NARS2: variants seen among roughly 807,000 people sequenced by gnomAD.
NARS2 encodes the protein asparaginyl-tRNA synthetase.
NARS2 carries 60 observed loss-of-function variants against 62.9 expected under a neutral mutation model. That is an observed-to-expected ratio of 0.95 (90% CI 0.77 to 1.18). The LOEUF (loss-of-function observed/expected upper bound fraction) is 1.18. Ranked by LOEUF, NARS2 falls within the 50% of genes most tolerant of loss-of-function variation. NARS2 has a pLI of 0.00. For synonymous variants in NARS2, 196 were observed against 200.0 expected (o/e 0.98, Z 0.17); for missense variants, 619 against 576.4 (o/e 1.07, Z -0.76).
chr11:78,472,428 G>A (rs888489125), intron 9 of NARS2, among the ~76,000 whole-genome samples: 10 of 151,916 alleles, frequency 6.6e-5, no homozygotes, highest in South Asian at 4.1e-4. Context: ...GTCATCCTTC[G>A]CCTCAAATTC....
intron 7 of NARS2, 39 bp from the exon 8 acceptor site, chr11:78,478,722 A>G (rs762859336): frequency 7.4e-7 from 1 of 1,355,708 alleles, no homozygotes; most frequent in Non-Finnish European, 1.0e-6. Context: ...CACGTAAGCA[A>G]TTTTACATGA....
intron 6 of NARS2, among the ~76,000 whole-genome samples, chr11:78,500,833 C>T (rs1167314010): frequency 3.9e-5 from 6 of 152,154 alleles, no homozygotes; most frequent in South Asian, 4.1e-4. Flanking sequence ...TGGCTCATGC[C>T]TGTAATCCAA....
At chr11:78,564,853 C>A (rs1392384308) in intron 4 of NARS2, among the ~76,000 whole-genome samples, 1 of 152,132 alleles carries the variant, frequency 6.6e-6, no homozygotes, top group Non-Finnish European at 1.5e-5. Context: ...TGCCTTAAAG[C>A]CATGATGTTC....
chr11:78,537,909 C>G, intron 5 of NARS2, among the ~76,000 whole-genome samples: 1 of 152,216 alleles, frequency 6.6e-6, no homozygotes, highest in South Asian at 2.1e-4. Context: ...CTCCCCTTAT[C>G]CACAGTTTTA....
intron 5 of NARS2, among the ~76,000 whole-genome samples, chr11:78,554,397 G>A (rs769977474): frequency 1.3e-5 from 2 of 151,994 alleles, no homozygotes; most frequent in East Asian, 1.9e-4. Flanking sequence ...CATGAGCATG[G>A]GATATTTTTC....
At chr11:78,516,731 T>A (rs545886672) in intron 6 of NARS2, among the ~76,000 whole-genome samples, 8 of 152,302 alleles carry the variant, frequency 5.3e-5, no homozygotes, top group African/African-American at 1.9e-4. Context: ...TATAGGCTAA[T>A]GGGAAGATAA....
At chr11:78,527,435 T>C (rs1295977327) in intron 6 of NARS2, among the ~76,000 whole-genome samples, 3 of 152,214 alleles carry the variant, frequency 2.0e-5, no homozygotes, top group South Asian at 2.1e-4. Flanking sequence ...TCTCACCATG[T>C]TATTATGACA....
At position 78,561,328 on chromosome 11, in the gene NARS2, A is replaced by G. The variant is rs553964016; in HGVS notation, c.514-1709T>C. ...GTGGGGGAGTAAAAAGAATAAAAGG[A>G]AAGTAAATAGCAAGGAGTGGTTAAG... is the stretch of plus-strand genomic sequence containing the variant. On this transcript the variant is annotated intron_variant, in intron 4 of 13. Transcript: ENST00000281038. 1.1e-4 allele frequency among the ~76,000 whole-genome samples: 17 copies of G among 152,366 alleles called. No homozygotes were observed. The East Asian group carries it at 3.3e-3, about 29-fold the overall frequency.
intron 12 of NARS2, among the ~76,000 whole-genome samples, chr11:78,441,769 C>T (rs1857583467): frequency 6.6e-6 from 1 of 151,574 alleles, no homozygotes. Flanking sequence ...TTGGGAGGCA[C>T]ACACAGACAA....
intron 5 of NARS2, among the ~76,000 whole-genome samples, chr11:78,530,950 A>G (rs11237536): frequency 0.087 from 13,206 of 152,216 alleles, 1,845 homozygotes; most frequent in African/African-American, 0.29. Context: ...CTTTTATATT[A>G]CAATTAAAGT....
chr11:78,513,863 G>T (rs1590800525), intron 6 of NARS2, among the ~76,000 whole-genome samples: 1 of 152,098 alleles, frequency 6.6e-6, no homozygotes, highest in African/African-American at 2.4e-5. Context: ...CTGGATCATA[G>T]GGGTGGATCC....
intron 9 of NARS2, among the ~76,000 whole-genome samples, chr11:78,470,127 A>G (rs1858806444): frequency 1.3e-5 from 2 of 152,228 alleles, no homozygotes; most frequent in African/African-American, 2.4e-5. Flanking sequence ...TAGGAAAGGC[A>G]GTCAGAAGTC....
At chr11:78,468,164 T>A (rs927524573) in intron 10 of NARS2, among the ~76,000 whole-genome samples, 10 of 151,338 alleles carry the variant, frequency 6.6e-5, no homozygotes, top group Middle Eastern at 3.4e-3. Context: ...TCAGGCATCA[T>A]AACGAGACCT....
chr11:78,502,989 C>G (rs1337187662), intron 6 of NARS2, among the ~76,000 whole-genome samples: 31 of 20,110 alleles, frequency 1.5e-3, no homozygotes, highest in African/African-American at 2.8e-3. Flanking sequence ...GTGAGACTGT[C>G]TCAAAAAAAA....
chr11:78,464,166 T>C (rs1358210016), intron 11 of NARS2, among the ~76,000 whole-genome samples: 3 of 151,480 alleles, frequency 2.0e-5, no homozygotes, highest in African/African-American at 2.4e-5. Context: ...AACAGCTCTT[T>C]AGGCGGCGTG....
intron 11 of NARS2, among the ~76,000 whole-genome samples, chr11:78,452,211 G>T (rs1193249348): frequency 1.3e-5 from 2 of 151,892 alleles, no homozygotes; most frequent in Non-Finnish European, 2.9e-5. Flanking sequence ...AGGTTCAAGA[G>T]ATTTTCCTGC....
intron 6 of NARS2, among the ~76,000 whole-genome samples, chr11:78,521,392 T>G (rs1861115302): frequency 6.6e-6 from 1 of 152,098 alleles, no homozygotes; most frequent in Non-Finnish European, 1.5e-5. Flanking sequence ...AGGATGGTCT[T>G]GAACTAGTGG....
chr11:78,574,407 G>C lies in NARS2; in HGVS notation c.82C>G (p.Leu28Val). 2 of 1,614,238 alleles carry C rather than the reference G, an allele frequency of 1.2e-6. No individual in the cohort carries two copies. The highest frequency in any genetic ancestry group is 1.7e-6 in the Non-Finnish European group (2 of 1,180,032). The change falls in exon 1 of 14, where the codon CTG (leucine) becomes GTG (valine). Residue 28 changes from leucine to valine, a missense_variant. Coordinates refer to ENST00000281038, the MANE Select transcript of NARS2 (RefSeq NM_024678.6). ...PFPKHKPSAK[L>V]SVRDALGAQN... is the part of the protein sequence containing the mutation. The stretch of plus-strand genomic sequence containing the variant: ...GCCCCGAGAGCGTCCCGCACGCTCA[G>C]TTTGGCTGAAGGTTTGTGCTTGGGG...
intron 7 of NARS2, among the ~76,000 whole-genome samples, chr11:78,491,882 T>G (rs536099904): frequency 1.3e-5 from 2 of 152,164 alleles, no homozygotes; most frequent in African/African-American, 4.8e-5. Context: ...ATGTTTTAAG[T>G]GGAAATAGGT....
Sources: gnomAD v4.1 joint callset for allele counts (sites outside exome capture counted in the v4.1 genomes callset) on GRCh38, gnomAD v4.1.1 for gene constraint, MANE v1.5 for transcripts, NCBI Gene and HGNC (gene_info 2026-07-23, HGNC 2026-07-21) for gene names.